The following STK38 variants were observed in gnomAD, a reference collection of about 807,000 sequenced individuals.
STK38 encodes serine/threonine-protein kinase 38.
A neutral mutation model predicts 59.0 loss-of-function variants in STK38; 26 were observed. The observed-to-expected ratio is 0.44, with a 90% CI of 0.32 to 0.61. The LOEUF is 0.61. Ranked by LOEUF, STK38 falls within the 20% of genes least tolerant of loss-of-function variation. STK38 has a pLI of 0.04. For missense variants in STK38, 433 were observed against 566.0 expected (o/e 0.76, Z 2.38); for synonymous variants, 175 against 176.6 (o/e 0.99, Z 0.07).
chr6:36,540,104 G>A lies in STK38; in HGVS notation c.99C>T (p.Asn33=). ...TKVTLENFYS[N]LIAQHEEREM... ...CTCGTTCTTCATGTTGAGCGATAAGGTTGCTATAAAAATTCTCCAGTGTCA... is the reference window on the plus strand; with the variant it reads ...CTCGTTCTTCATGTTGAGCGATAAGATTGCTATAAAAATTCTCCAGTGTCA... The change falls in exon 2 of 14, where the codon AAC becomes AAT. Residue 33 remains asparagine (N), a synonymous_variant. Coordinates refer to ENST00000229812, the MANE Select transcript of STK38 (RefSeq NM_007271.4). The A allele has an allele frequency of 3.1e-6, 5 of 1,614,002 alleles. No individual in the cohort carries two copies. Among genetic ancestry groups the A allele is most frequent in the Middle Eastern group, 1.7e-4 (1 of 6,060 alleles).
chr6:36,513,848 T>TAAA (rs1178706954), intron 7 of STK38, among the ~76,000 whole-genome samples: 31 of 63,834 alleles, frequency 4.9e-4, no homozygotes, highest in East Asian at 1.1e-3. Flanking sequence ...TACTAAAAAT[T>TAAA]AAAAAAAAAA....
intron 7 of STK38, among the ~76,000 whole-genome samples, chr6:36,509,034 G>C (rs373925629): frequency 6.6e-6 from 1 of 152,162 alleles, no homozygotes; most frequent in African/African-American, 2.4e-5. Flanking sequence ...GCTCCTGGAA[G>C]GGCCGCCGCT....
At chr6:36,517,528 T>C (rs1777284966) in intron 6 of STK38, among the ~76,000 whole-genome samples, 189 bp downstream of exon 6, 1 of 152,196 alleles carries the variant, frequency 6.6e-6, no homozygotes, top group Non-Finnish European at 1.5e-5. Context: ...GTTACTTTTA[T>C]GGTACTAAGA....
chr6:36,523,610 T>C (rs1212247966), intron 4 of STK38, among the ~76,000 whole-genome samples: 3 of 152,190 alleles, frequency 2.0e-5, no homozygotes, highest in Non-Finnish European at 4.4e-5. Flanking sequence ...CTTGCAATTA[T>C]TGCGTCAGTA....
At chr6:36,510,366 C>G (rs1321032277) in intron 7 of STK38, among the ~76,000 whole-genome samples, 1 of 152,242 alleles carries the variant, frequency 6.6e-6, no homozygotes, top group Admixed American at 6.5e-5. Context: ...GGCTCGGCCT[C>G]AACTTTGCTC....
At position 36,509,697 on chromosome 6, in the gene STK38, C is replaced by T. The variant is rs73732406; in HGVS notation, c.670-2095G>A. Among the ~76,000 whole-genome samples the T allele has an allele frequency of 2.3e-3, 349 of 152,282 alleles. 2 individuals carry two copies. Among genetic ancestry groups the T allele is most frequent in the Admixed American group, 3.1e-3 (48 of 15,294 alleles). ...TAAATCTGTACTAAATAGTTGCCCGCAGCACCAGCTTGTCAGGGCCGAGGC... is the reference window on the plus strand; with the variant it reads ...TAAATCTGTACTAAATAGTTGCCCGTAGCACCAGCTTGTCAGGGCCGAGGC... On this transcript the variant is annotated intron_variant, in intron 7 of 13. Transcript: ENST00000229812.
chr6:36,546,468 T>C (rs1438868717), intron 1 of STK38, among the ~76,000 whole-genome samples: 1 of 152,154 alleles, frequency 6.6e-6, no homozygotes, highest in Non-Finnish European at 1.5e-5. Flanking sequence ...GTGGAGACAC[T>C]CAGGGTCTAC....
intron 7 of STK38, among the ~76,000 whole-genome samples, chr6:36,508,796 G>A (rs973244026): frequency 1.3e-5 from 2 of 152,166 alleles, no homozygotes; most frequent in Non-Finnish European, 2.9e-5. Flanking sequence ...AGGCACACCG[G>A]TGGCCACTGC....
intron 5 of STK38, among the ~76,000 whole-genome samples, chr6:36,519,330 A>G (rs78174068): frequency 1.4e-3 from 217 of 152,330 alleles, no homozygotes; most frequent in Middle Eastern, 0.014. Context: ...CTTTTGGGAA[A>G]CAGTAACATT....
intron 7 of STK38, among the ~76,000 whole-genome samples, chr6:36,510,970 G>A (rs1561978175): frequency 6.6e-6 from 1 of 152,140 alleles, no homozygotes; most frequent in Non-Finnish European, 1.5e-5. Flanking sequence ...TAGCCCTAAG[G>A]AAAAAGTAGG....
intron 9 of STK38, among the ~76,000 whole-genome samples, chr6:36,501,922 C>T (rs1436276930): frequency 6.6e-6 from 1 of 152,202 alleles, no homozygotes; most frequent in African/African-American, 2.4e-5. Context: ...CCTTCTTGGG[C>T]ACTGTGCAAG....
At position 36,495,705 on chromosome 6, in the gene STK38, A is replaced by AC; in HGVS notation, c.*78_*79insG. 6.3e-7 allele frequency: 1 copy of AC among 1,576,342 alleles called. No individual in the cohort carries two copies. Among genetic ancestry groups the AC allele is most frequent in the East Asian group, 2.3e-5 (1 of 43,950 alleles). On this transcript the variant is annotated 3_prime_UTR_variant, in exon 14 of 14. Transcript: ENST00000229812. ...TGGTGGGTTCCATCAACTTCTTGGA[A>AC]GCTCTTCAAGAGTGTGAGAGGAAAA... is the stretch of plus-strand genomic sequence containing the variant.
chr6:36,515,642 GAT>G, intron 6 of STK38, 150 bp from the exon 7 acceptor site: 1 of 1,371,306 alleles, frequency 7.3e-7, no homozygotes, highest in Non-Finnish European at 9.6e-7. Flanking sequence ...GTGTGCCAGA[GAT>G]AGACCCACAT....
Position 36,500,507 on chromosome 6 carries a change from AT to A in STK38, c.835-518del, listed in dbSNP as rs553123468. The stretch of plus-strand genomic sequence containing the variant: ...CCGGGAGTGGTGGTTCACGCCTGTA[AT>A]CCCAGCACTTTGAGAGGCTGAGGTG... On this transcript the variant is annotated intron_variant, in intron 9 of 13. Coordinates refer to ENST00000229812, the MANE Select transcript of STK38 (RefSeq NM_007271.4). 3.5e-4 allele frequency among the ~76,000 whole-genome samples: 53 copies of A among 152,192 alleles called. No homozygotes were observed. The South Asian group carries it at 7.9e-3, about 23-fold the overall frequency.
At chr6:36,532,307 C>CAAAA (rs1491440893) in intron 2 of STK38, among the ~76,000 whole-genome samples, 1 of 103,558 alleles carries the variant, frequency 9.7e-6, no homozygotes, top group Admixed American at 1.1e-4. Context: ...ACCTTGTCTG[C>CAAAA]ATAAAAAAAA....
intron 7 of STK38, among the ~76,000 whole-genome samples, chr6:36,508,630 AC>A (rs1777025527): frequency 6.6e-6 from 1 of 152,224 alleles, no homozygotes; most frequent in South Asian, 2.1e-4. Flanking sequence ...TGATGCCTTT[AC>A]CCGAGTTTTG....
chr6:36,545,820 A>G (rs568739318), intron 1 of STK38, among the ~76,000 whole-genome samples: 45 of 152,214 alleles, frequency 3.0e-4, no homozygotes, highest in Non-Finnish European at 6.0e-4. Context: ...TCAAAGTTTT[A>G]AAAAATTAAC....
chr6:36,498,622 C>T (rs1441787922), intron 10 of STK38, 136 bp from the exon 11 acceptor site: 8 of 978,206 alleles, frequency 8.2e-6, no homozygotes, highest in Non-Finnish European at 1.1e-5. Flanking sequence ...GGGTCTCACT[C>T]TGTTACCTAG....
chr6:36,496,755 G>C lies in STK38; in HGVS notation c.1223C>G (p.Ser408Ter). 4.3e-6 allele frequency: 7 copies of C among 1,613,728 alleles called. No homozygotes were observed. Among genetic ancestry groups the C allele is most frequent in the Non-Finnish European group, 5.9e-6 (7 of 1,179,904 alleles). The change falls in exon 13 of 14, where the codon TCA becomes TGA. Residue 408 changes from serine to a stop codon, truncating the protein, a stop_gained. Transcript: ENST00000229812. LOFTEE classifies it high-confidence loss of function. ...AGATTCTGGAAACTCATCGAAGTTTGAGGTATCATCAATGCTTTTGATTTC... is the reference window on the plus strand; with the variant it reads ...AGATTCTGGAAACTCATCGAAGTTTCAGGTATCATCAATGCTTTTGATTTC... Reference protein sequence around the residue: ...SIEIKSIDDTSNFDEFPESDI... With the variant: ...SIEIKSIDDT
Sources: allele counts gnomAD v4.1 joint callset (sites outside exome capture counted in the v4.1 genomes callset), GRCh38; gene constraint gnomAD v4.1.1; transcripts MANE v1.5; gene names NCBI Gene and HGNC (gene_info 2026-07-23, HGNC 2026-07-21).